The following CACNA2D3 variants were observed in gnomAD, a reference collection of about 807,000 sequenced individuals.
CACNA2D3 encodes calcium voltage-gated channel auxiliary subunit alpha2delta 3.
Under a neutral mutation model 160.6 loss-of-function variants are expected in CACNA2D3, and 60 were observed. The ratio of observed to expected loss-of-function variants is 0.37; its 90% confidence interval spans 0.30 to 0.46. CACNA2D3 has a LOEUF of 0.46. Ranked by LOEUF, CACNA2D3 falls within the 20% of genes least tolerant of loss-of-function variation. CACNA2D3 has a pLI of 1.00. For missense variants in CACNA2D3, 1,205 were observed against 1,365.0 expected (o/e 0.88, Z 1.85); for synonymous variants, 558 against 492.9 (o/e 1.13, Z -1.75).
intron 11 of CACNA2D3, among the ~76,000 whole-genome samples, chr3:54,748,514 T>G (rs1344315641): frequency 6.6e-6 from 1 of 152,132 alleles, no homozygotes; most frequent in African/African-American, 2.4e-5. Context: ...GTAGAACATT[T>G]AAAGACCATC....
chr3:54,238,595 C>T (rs1701923548), intron 2 of CACNA2D3, among the ~76,000 whole-genome samples: 1 of 152,172 alleles, frequency 6.6e-6, no homozygotes, highest in Non-Finnish European at 1.5e-5. Flanking sequence ...TTATACATGA[C>T]AGTACCTGGC....
intron 5 of CACNA2D3, among the ~76,000 whole-genome samples, chr3:54,537,432 C>T (rs1362624402): frequency 6.6e-6 from 1 of 152,028 alleles, no homozygotes; most frequent in Admixed American, 6.6e-5. Context: ...AATAGCACTC[C>T]CTCATTGGAG....
intron 2 of CACNA2D3, among the ~76,000 whole-genome samples, chr3:54,133,149 A>AAGGGGTTTTCGGC (rs1241833969): frequency 6.6e-6 from 1 of 152,158 alleles, no homozygotes; most frequent in African/African-American, 2.4e-5. Flanking sequence ...TCAGCTCTAC[A>AAGGGGTTTTCGGC]AGGGGTTTTC....
At chr3:54,811,308 C>T (rs1056015525) in intron 13 of CACNA2D3, among the ~76,000 whole-genome samples, 1 of 151,986 alleles carries the variant, frequency 6.6e-6, no homozygotes, top group African/African-American at 2.4e-5. Context: ...AATGGCAGCT[C>T]TGTTTTTGCA....
chr3:54,537,692 CG>C (rs1392251784), intron 5 of CACNA2D3, among the ~76,000 whole-genome samples: 1 of 152,110 alleles, frequency 6.6e-6, no homozygotes, highest in Non-Finnish European at 1.5e-5. Flanking sequence ...CATGGACACT[CG>C]GGCATAGTCA....
intron 4 of CACNA2D3, among the ~76,000 whole-genome samples, chr3:54,487,701 C>T (rs1460374962): frequency 6.6e-6 from 1 of 151,746 alleles, no homozygotes; most frequent in Non-Finnish European, 1.5e-5. Flanking sequence ...ATATTGAATG[C>T]AATAAAGAAA....
chr3:54,819,826 A>G (rs148829158), intron 14 of CACNA2D3, among the ~76,000 whole-genome samples: 81 of 152,226 alleles, frequency 5.3e-4, no homozygotes, highest in African/African-American at 1.8e-3. Flanking sequence ...GCCTGGTGAC[A>G]GGGTGAGACT....
At chr3:54,717,484 C>T (rs1701071395) in intron 11 of CACNA2D3, among the ~76,000 whole-genome samples, 1 of 152,084 alleles carries the variant, frequency 6.6e-6, no homozygotes, top group South Asian at 2.1e-4. Context: ...TCTTAATTTT[C>T]ACCATTCTGG....
At chr3:54,412,543 A>G (rs746812329) in intron 4 of CACNA2D3, among the ~76,000 whole-genome samples, 1 of 148,102 alleles carries the variant, frequency 6.8e-6, no homozygotes, top group South Asian at 2.1e-4. Context: ...TTGCAGCAGT[A>G]GCTTTTATAT....
chr3:54,406,840 A>T (rs925958001), intron 4 of CACNA2D3, among the ~76,000 whole-genome samples: 2 of 152,042 alleles, frequency 1.3e-5, no homozygotes, highest in African/African-American at 4.8e-5. Flanking sequence ...GGGAAGGGGG[A>T]TGGGTAACTA....
chr3:54,568,754 CAGTGGGAA>C (rs1341148258), intron 6 of CACNA2D3, among the ~76,000 whole-genome samples: 1 of 152,154 alleles, frequency 6.6e-6, no homozygotes, highest in African/African-American at 2.4e-5. Context: ...GACACATGTG[CAGTGGGAA>C]ATGTAGGTAC....
intron 2 of CACNA2D3, among the ~76,000 whole-genome samples, chr3:54,185,739 A>G (rs1205449703): frequency 2.0e-5 from 3 of 152,162 alleles, no homozygotes; most frequent in Non-Finnish European, 4.4e-5. Context: ...ACTGTGTTCT[A>G]ATAAAACTTT....
At chr3:54,577,914 A>G (rs4955868) in intron 8 of CACNA2D3, among the ~76,000 whole-genome samples, 58,104 of 152,104 alleles carry the variant, frequency 0.38, 11,386 homozygotes, top group Non-Finnish European at 0.43. Flanking sequence ...AAGGAAGCAG[A>G]GAGAAGAAAG....
At chr3:54,151,832 G>T (rs1161704247) in intron 2 of CACNA2D3, among the ~76,000 whole-genome samples, 2 of 152,118 alleles carry the variant, frequency 1.3e-5, no homozygotes. Context: ...CCATTCCTCT[G>T]CCTTTATCTC....
intron 2 of CACNA2D3, among the ~76,000 whole-genome samples, chr3:54,183,713 CGT>C (rs1700824892): frequency 6.6e-6 from 1 of 151,280 alleles, no homozygotes; most frequent in Non-Finnish European, 1.5e-5. Flanking sequence ...GGTGAAACCC[CGT>C]CTCTACTAAA....
intron 17 of CACNA2D3, among the ~76,000 whole-genome samples, chr3:54,860,330 G>A (rs1375403362): frequency 6.6e-6 from 1 of 152,114 alleles, no homozygotes; most frequent in Non-Finnish European, 1.5e-5. Context: ...AAAATATTCT[G>A]ATTCTTCCAA....
intron 2 of CACNA2D3, among the ~76,000 whole-genome samples, chr3:54,164,041 G>A (rs1053509547): frequency 6.6e-5 from 10 of 152,242 alleles, no homozygotes; most frequent in Admixed American, 2.6e-4. Flanking sequence ...GGCCAGCCAC[G>A]CGGTGGAGTT....
intron 3 of CACNA2D3, among the ~76,000 whole-genome samples, chr3:54,335,420 C>T (rs968597859): frequency 6.6e-6 from 1 of 152,210 alleles, no homozygotes; most frequent in Non-Finnish European, 1.5e-5. Flanking sequence ...ATTATTCATG[C>T]TTTCCCTTTT....
chr3:54,483,057 A>G (rs1195068401), intron 4 of CACNA2D3, among the ~76,000 whole-genome samples: 2 of 152,230 alleles, frequency 1.3e-5, no homozygotes, highest in Non-Finnish European at 2.9e-5. Context: ...TGAGAGAATG[A>G]ATGAATGAAT....
Sources: gnomAD v4.1 joint callset for allele counts (sites outside exome capture counted in the v4.1 genomes callset) on GRCh38, gnomAD v4.1.1 for gene constraint, MANE v1.5 for transcripts, NCBI Gene and HGNC (gene_info 2026-07-23, HGNC 2026-07-21) for gene names.